The following FAM98B variants were observed in gnomAD, a reference collection of about 807,000 sequenced individuals.
FAM98B encodes tRNA-splicing ligase complex subunit FAM98B.
FAM98B carries 32 observed loss-of-function variants against 43.9 expected under a neutral mutation model. The ratio of observed to expected loss-of-function variants is 0.73; its 90% CI spans 0.55 to 0.98. FAM98B has a LOEUF of 0.98. Among genes scored for constraint, FAM98B ranks in the 50% least tolerant of loss-of-function variants. The pLI is 0.00. For synonymous variants in FAM98B, 190 were observed against 174.0 expected (o/e 1.09, Z -0.72); for missense variants, 514 against 522.9 (o/e 0.98, Z 0.17).
intron 2 of FAM98B, among the ~76,000 whole-genome samples, 157 bp from the exon 3 acceptor site, chr15:38,465,112 A>G (rs112716371): frequency 1.1e-3 from 167 of 152,354 alleles, no homozygotes; most frequent in African/African-American, 3.8e-3. Context: ...TGCTTTTACT[A>G]TTTCAGTTGT....
At chr15:38,462,223 A>G (rs12594530) in intron 1 of FAM98B, among the ~76,000 whole-genome samples, 10,064 of 152,244 alleles carry the variant, frequency 0.066, 510 homozygotes, top group East Asian at 0.17. Flanking sequence ...AAAAATGCAT[A>G]TATTTATACT....
chr15:38,481,967 A>G (rs1043115738), intron 7 of FAM98B: 8 of 189,676 alleles, frequency 4.2e-5, no homozygotes, highest in African/African-American at 1.9e-4. Context: ...ACAGTAGTCT[A>G]TTTAAACAAG....
chr15:38,459,163 T>G (rs1410929010), intron 1 of FAM98B: 5 of 364,386 alleles, frequency 1.4e-5, no homozygotes, highest in Admixed American at 3.2e-5. Context: ...GTCTCCTCAA[T>G]CTCTGTAGGC....
intron 6 of FAM98B, among the ~76,000 whole-genome samples, chr15:38,477,692 G>C (rs187258743): frequency 6.6e-6 from 1 of 152,270 alleles, no homozygotes; most frequent in East Asian, 1.9e-4. Flanking sequence ...TCAGTACTCC[G>C]TATGATTAGG....
rs144940537 is a variant in FAM98B, at chr15:38,478,879, C to T, written c.730-2413C>T. ...CACTAAATATATTGTAACCATTTTC[C>T]AATATCTCTAAAAACTCTATTTTAG... is the stretch of plus-strand genomic sequence containing the variant. On this transcript the variant is annotated intron_variant, in intron 6 of 7. Transcript: ENST00000397609. 1.4e-3 allele frequency among the ~76,000 whole-genome samples: 211 copies of T among 152,210 alleles called. 1 individual carries two copies. The highest frequency in any genetic ancestry group is 4.8e-3 in the African/African-American group (200 of 41,544).
intron 6 of FAM98B, among the ~76,000 whole-genome samples, chr15:38,476,804 A>G (rs891337642): frequency 2.0e-5 from 3 of 149,748 alleles, no homozygotes; most frequent in African/African-American, 7.4e-5. Flanking sequence ...CCTCAGCTGC[A>G]TGGTAGTTTT....
intron 1 of FAM98B, among the ~76,000 whole-genome samples, chr15:38,462,909 A>G (rs2141053376): frequency 6.6e-6 from 1 of 152,328 alleles, no homozygotes; most frequent in South Asian, 2.1e-4. Context: ...GAAAGCAAGG[A>G]AAGTATTCAG....
At chr15:38,476,692 T>C (rs1389358629) in intron 6 of FAM98B, among the ~76,000 whole-genome samples, 3 of 147,512 alleles carry the variant, frequency 2.0e-5, no homozygotes, top group Admixed American at 1.4e-4. Flanking sequence ...TGATTAAAGA[T>C]AGAAACTTTG....
At chr15:38,462,075 A>G (rs1889958351) in intron 1 of FAM98B, among the ~76,000 whole-genome samples, 1 of 152,192 alleles carries the variant, frequency 6.6e-6, no homozygotes, top group Non-Finnish European at 1.5e-5. Context: ...GTAGTATATA[A>G]CTGTAAAAAT....
chr15:38,481,741 C>T (rs1890291043), intron 7 of FAM98B: 8 of 893,460 alleles, frequency 9.0e-6, no homozygotes, highest in Admixed American at 6.0e-5. Context: ...AAAAAGTAAT[C>T]ATTTTTTGTC....
intron 4 of FAM98B, among the ~76,000 whole-genome samples, chr15:38,471,398 T>C (rs1890128936): frequency 6.6e-6 from 1 of 152,106 alleles, no homozygotes; most frequent in Admixed American, 6.5e-5. Context: ...TTTTTTTCTG[T>C]TTTCCTCTGG....
chr15:38,479,204 G>A (rs1454967245), intron 6 of FAM98B, among the ~76,000 whole-genome samples: 5 of 152,260 alleles, frequency 3.3e-5, no homozygotes, highest in Admixed American at 6.5e-5. Flanking sequence ...CTGGCCTCAA[G>A]TAATGCTCCC....
chr15:38,484,812 T>A lies in FAM98B; in HGVS notation c.*153T>A. The A allele has an allele frequency of 8.6e-7, 1 of 1,169,310 alleles. No homozygotes were observed. Among genetic ancestry groups the A allele is most frequent in the Non-Finnish European group, 1.1e-6 (1 of 892,612 alleles). The allele number at this position is 1,169,310 out of a possible 1,614,324, so 72.4% of individuals were successfully genotyped here. On this transcript the variant is annotated 3_prime_UTR_variant, in exon 8 of 8. Coordinates refer to ENST00000397609, the MANE Select transcript of FAM98B (RefSeq NM_173611.4). ...TGAATTGGTTAATATGTAAGAACATTGTTTTTTATTACCAGTTGATCTCTC... is the reference window on the plus strand; with the variant it reads ...TGAATTGGTTAATATGTAAGAACATAGTTTTTTATTACCAGTTGATCTCTC...
At chr15:38,475,856 T>C (rs1228026979) in intron 6 of FAM98B, among the ~76,000 whole-genome samples, 1 of 148,120 alleles carries the variant, frequency 6.8e-6, no homozygotes, top group Admixed American at 6.7e-5. Context: ...TTCTGCAATA[T>C]GATAAAATGC....
At chr15:38,460,178 C>T (rs1889925330) in intron 1 of FAM98B, among the ~76,000 whole-genome samples, 1 of 152,118 alleles carries the variant, frequency 6.6e-6, no homozygotes, top group African/African-American at 2.4e-5. Context: ...GAGATGTTCC[C>T]AGTGTTTGGA....
At chr15:38,463,491 A>AACAAT (rs147353872) in intron 1 of FAM98B, among the ~76,000 whole-genome samples, 1 of 140,754 alleles carries the variant, frequency 7.1e-6, no homozygotes, top group African/African-American at 2.6e-5. Flanking sequence ...ACCCTGCCTC[A>AACAAT]AAAATAAAAT....
intron 6 of FAM98B, among the ~76,000 whole-genome samples, chr15:38,477,812 T>C (rs771637931): frequency 8.5e-5 from 13 of 152,326 alleles, no homozygotes; most frequent in African/African-American, 2.6e-4. Flanking sequence ...TGTATTTCAT[T>C]GGAGTAACTG....
chr15:38,481,562 A>G (rs773038747), intron 7 of FAM98B, 103 bp downstream of exon 7: 4 of 1,612,756 alleles, frequency 2.5e-6, no homozygotes, highest in Non-Finnish European at 3.4e-6. Context: ...GTAAATGTTT[A>G]GAAAAAAGAG....
At chr15:38,457,598 A>AG (rs948283242) in intron 1 of FAM98B, among the ~76,000 whole-genome samples, 5 of 152,134 alleles carry the variant, frequency 3.3e-5, no homozygotes, top group African/African-American at 1.2e-4. Context: ...CAAGGGTGCA[A>AG]GGGGGGCTGA....
Sources: allele counts gnomAD v4.1 joint callset (sites outside exome capture counted in the v4.1 genomes callset), GRCh38; gene constraint gnomAD v4.1.1; transcripts MANE v1.5; gene names NCBI Gene and HGNC (gene_info 2026-07-23, HGNC 2026-07-21).